Variants in ELOB observed in about 807,000 individuals in gnomAD.
ELOB encodes the protein elongin-B.
In ELOB, 3 loss-of-function variants were observed where a neutral mutation model predicts 12.9. That is an observed-to-expected ratio of 0.23 (90% CI 0.11 to 0.60). The LOEUF is 0.60. Ranked by LOEUF, ELOB falls within the 20% of genes least tolerant of loss-of-function variation. The pLI is 0.89. For missense variants in ELOB, 126 were observed against 159.2 expected, an observed-to-expected ratio of 0.79 and a Z score of 1.12; for synonymous variants, 84 against 67.4, an observed-to-expected ratio of 1.25 and a Z score of -1.21.
chr16:2,771,439 G>T lies in ELOB; in HGVS notation c.*551C>A. The T allele has an allele frequency of 6.2e-7, 1 of 1,614,050 alleles. No individual in the cohort carries two copies. The highest frequency in any genetic ancestry group is 8.5e-7 in the Non-Finnish European group (1 of 1,179,940). On this transcript the variant is annotated 3_prime_UTR_variant, in exon 4 of 4. Transcript: ENST00000409906. ...TGGGTCTGTAGACTGTTTATTAAAG[G>T]TGTGTTAAGGGGGCAGCCACTTCCC...
chr16:2,771,511 T>G lies in ELOB; in HGVS notation c.*479A>C, dbSNP rs1172688988. The stretch of plus-strand genomic sequence containing the variant: ...GTGGGTGGACCTGTGTGGGTCCGTC[T>G]TGGGGTTCCCTCGTTGAACATGCTG... On this transcript the variant is annotated 3_prime_UTR_variant, in exon 4 of 4. Transcript: ENST00000409906. The G allele has an allele frequency of 1.2e-6, 2 of 1,614,258 alleles. No individual in the cohort carries two copies. Among genetic ancestry groups the G allele is most frequent in the Non-Finnish European group, 1.7e-6 (2 of 1,180,054 alleles).
Position 2,777,040 on chromosome 16 carries a change from C to G in ELOB, c.91G>C (p.Val31Leu), listed in dbSNP as rs1198813139. ...SSTVFELKRIVEGILKRPPDE... is the reference protein window; with the variant it reads ...SSTVFELKRILEGILKRPPDE... ...GGAGGCCGCTTGAGGATGCCCTCGA[C>G]GATGCGCTTCAGTTCGAACACCGTG... The change falls in exon 2 of 4, where the codon GTC becomes CTC. Residue 31 changes from valine to leucine, a missense_variant. Coordinates refer to ENST00000409906, the MANE Select transcript of ELOB (RefSeq NM_007108.4). 1 of 1,606,638 alleles carries G rather than the reference C, an allele frequency of 6.2e-7. No homozygotes were observed. The highest frequency in any genetic ancestry group is 8.5e-7 in the Non-Finnish European group (1 of 1,177,854).
At chr16:2,774,232 A>AAAC (rs529103886) in intron 3 of ELOB, among the ~76,000 whole-genome samples, 3 of 152,176 alleles carry the variant, frequency 2.0e-5, no homozygotes, top group Admixed American at 1.3e-4. Context: ...TCTGTCTCAG[A>AAAC]AACAACAACA....
rs777106732 is a variant in ELOB, at chr16:2,772,088, C to T, written c.259G>A (p.Ala87Thr). The stretch of plus-strand genomic sequence containing the variant: ...CTGGAAAACGGCTCGATGCACAGGG[C>T]CTCAAAGGTGTCATCTGTGGAGGAA... ...LAFRADDTFE[A>T]LCIEPFSSPP... is the part of the protein sequence containing the mutation. Residue 87 changes from alanine to threonine, a missense_variant, in exon 4 of 4, where the codon GCC (alanine) becomes ACC (threonine). Coordinates refer to ENST00000409906, the MANE Select transcript of ELOB (RefSeq NM_007108.4). 23 of 1,609,562 alleles carry T rather than the reference C, an allele frequency of 1.4e-5. No individual in the cohort carries two copies. The highest frequency in any genetic ancestry group is 1.9e-5 in the Non-Finnish European group (22 of 1,177,564).
In ELOB at chr16:2,771,469, T is replaced by G. The variant is rs2068745966; in HGVS notation, c.*521A>C. Reference sequence around the variant, plus strand: ...TTAAGGGGGCAGCCACTTCCCTCCGTGATTACAGCCCCCAGCGTGGGTGGA... The same window carrying G: ...TTAAGGGGGCAGCCACTTCCCTCCGGGATTACAGCCCCCAGCGTGGGTGGA... On this transcript the variant is annotated 3_prime_UTR_variant, in exon 4 of 4. Coordinates refer to ENST00000409906, the MANE Select transcript of ELOB (RefSeq NM_007108.4). The G allele has an allele frequency of 1.2e-6, 2 of 1,614,096 alleles. No individual in the cohort carries two copies. Among genetic ancestry groups the G allele is most frequent in the Admixed American group, 3.3e-5 (2 of 59,998 alleles).
Position 2,775,454 on chromosome 16 carries a change from C to T in ELOB, c.241G>A (p.Ala81Thr). ...CAGTGGGTGGTGGGCCTCTCACCTG[C>T]CCGGAAGGCCAGCCCCACTGTGGCT... ...APATVGLAFR[A>T]DDTFEALCIE... The change falls in exon 3 of 4, where the codon GCA becomes ACA. Residue 81 changes from alanine to threonine, a missense_variant. By Grantham distance (58) the Ala-to-Thr change is moderately conservative (BLOSUM62 0). Transcript: ENST00000409906. 6.3e-7 allele frequency: 1 copy of T among 1,599,048 alleles called. No individual in the cohort carries two copies. Among genetic ancestry groups the T allele is most frequent in the Admixed American group, 1.7e-5 (1 of 59,464 alleles).
rs2068804507 is a variant in ELOB at position 2,776,918 on chromosome 16, T to C, written c.138+75A>G. 2.0e-6 allele frequency: 3 copies of C among 1,481,150 alleles called. No individual in the cohort carries two copies. The South Asian group carries it at 3.7e-5, about 18-fold the overall frequency. 91.8% of individuals were successfully genotyped at this position (1,481,150 alleles called of 1,614,324 possible). On this transcript the variant is annotated intron_variant, in intron 2 of 3. Coordinates refer to ENST00000409906, the MANE Select transcript of ELOB (RefSeq NM_007108.4). ...GCGTCGCCGGCCGCTACTGTTTACA[T>C]CGCGGACAGCGTAGGCGTCAGCCCC...
chr16:2,772,256 C>G, intron 3 of ELOB, 154 bp from the exon 4 acceptor site: 1 of 879,454 alleles, frequency 1.1e-6, no homozygotes, highest in Non-Finnish European at 1.6e-6. Context: ...CCTCCCTGTT[C>G]CAGCTACCCC....
rs1316208682 is a variant in ELOB, at chr16:2,771,877, A to G, written c.*113T>C. On this transcript the variant is annotated 3_prime_UTR_variant, in exon 4 of 4. Transcript: ENST00000409906. ...CAGGAACTGCCAAGCACAAGCCCCA[A>G]AAGGAGCCCACAGGGAGTGGGACCC... 5 of 1,473,784 alleles carry G rather than the reference A, an allele frequency of 3.4e-6. No homozygotes were observed. In the African/African-American group the frequency reaches 4.3e-5, roughly 13 times the overall value. 91.3% of individuals were successfully genotyped at this position (1,473,784 alleles called of 1,614,324 possible).
intron 3 of ELOB, among the ~76,000 whole-genome samples, chr16:2,774,900 C>T (rs2068790086): frequency 6.6e-6 from 1 of 152,168 alleles, no homozygotes; most frequent in South Asian, 2.1e-4. Flanking sequence ...GACCTAACCT[C>T]CCCAGGCTCA....
rs562416717 is a variant in ELOB, at chr16:2,777,257, C to G, written c.-18G>C. On this transcript the variant is annotated 5_prime_UTR_variant, in exon 1 of 4. Transcript: ENST00000409906. ...CTCACCATCGCGGCTGCTGCCTCTC[C>G]CCTCGACGCGCCGGCGCAGCCGCGC... 4,824 of 1,023,922 alleles carry G rather than the reference C, an allele frequency of 4.7e-3. 16 individuals carry two copies. The highest frequency in any genetic ancestry group is 5.3e-3 in the Non-Finnish European group (4,542 of 855,038). 63.4% of individuals were successfully genotyped at this position (1,023,922 alleles called of 1,614,324 possible).
intron 3 of ELOB, among the ~76,000 whole-genome samples, chr16:2,773,869 A>T (rs1340834215): frequency 6.6e-6 from 1 of 152,210 alleles, no homozygotes; most frequent in Admixed American, 6.5e-5. Flanking sequence ...TTCTGGGGGA[A>T]CACAGCCCAG....
rs528662927 is a variant in ELOB, at chr16:2,776,479, G to A, written c.138+514C>T. Among the ~76,000 whole-genome samples, 55 of 152,320 alleles carry A rather than the reference G, an allele frequency of 3.6e-4. 1 individual carries two copies. In the South Asian group the frequency reaches 9.5e-3, roughly 26 times the overall value. On this transcript the variant is annotated intron_variant, in intron 2 of 3. Coordinates refer to ENST00000409906, the MANE Select transcript of ELOB (RefSeq NM_007108.4). Reference sequence around the variant, plus strand: ...TGCAAGGGGAAAGGGGGGCTTCTAGGACATCAGCAGGAGGTCGGGAGGTAA... The same window carrying A: ...TGCAAGGGGAAAGGGGGGCTTCTAGAACATCAGCAGGAGGTCGGGAGGTAA...
chr16:2,777,125 G>A lies in ELOB; in HGVS notation c.6C>T (p.Asp2=), dbSNP rs2068806186. The A allele has an allele frequency of 6.5e-7, 1 of 1,542,274 alleles. No homozygotes were observed. Among genetic ancestry groups the A allele is most frequent in the Non-Finnish European group, 8.7e-7 (1 of 1,143,610 alleles). Residue 2 remains aspartate, a splice_region_variant and synonymous_variant, in exon 2 of 4, where the codon GAC becomes GAT. Coordinates refer to ENST00000409906, the MANE Select transcript of ELOB (RefSeq NM_007108.4). M[D]VFLMIRRHKT... is the part of the protein sequence containing the mutation. Reference sequence around the variant, plus strand: ...TGTGGCGCCGGATCATGAGGAACACGTCCTGGGGGCGGCGGGCCGGCGTGA... The same window carrying A: ...TGTGGCGCCGGATCATGAGGAACACATCCTGGGGGCGGCGGGCCGGCGTGA...
Position 2,771,933 on chromosome 16 carries a change from C to CA in ELOB, c.*56dup. 1.3e-6 allele frequency: 2 copies of CA among 1,566,902 alleles called. No homozygotes were observed. Among genetic ancestry groups the CA allele is most frequent in the Non-Finnish European group, 1.7e-6 (2 of 1,156,688 alleles). ...AGGGAGGGGCGGGAAAAAGAGGCAG[C>CA]AACCAGGCAGACTCCCAAATCTCTT... On this transcript the variant is annotated 3_prime_UTR_variant, in exon 4 of 4. Coordinates refer to ENST00000409906, the MANE Select transcript of ELOB (RefSeq NM_007108.4).
At chr16:2,772,807 C>G (rs1024432666) in intron 3 of ELOB, among the ~76,000 whole-genome samples, 44 of 152,104 alleles carry the variant, frequency 2.9e-4, no homozygotes, top group African/African-American at 9.9e-4. Flanking sequence ...TCCTTGCCGT[C>G]TGTCTCTCCC....
rs1596303727 is a variant in ELOB at position 2,777,103 on chromosome 16, G to A, written c.28C>T (p.His10Tyr). 1 of 1,592,010 alleles carries A rather than the reference G, an allele frequency of 6.3e-7. No homozygotes were observed. The highest frequency in any genetic ancestry group is 8.5e-7 in the Non-Finnish European group (1 of 1,171,230). ...GCGTCCGTGAAGATGGTGGTCTTGT[G>A]GCGCCGGATCATGAGGAACACGTCC... MDVFLMIRR[H>Y]KTTIFTDAKE... is the part of the protein sequence containing the mutation. The change falls in exon 2 of 4, where the codon CAC becomes TAC. Residue 10 changes from histidine to tyrosine, a missense_variant. Transcript: ENST00000409906.
At chr16:2,775,664 C>T (rs760871069) in intron 2 of ELOB, 108 bp from the exon 3 acceptor site, 8 of 751,622 alleles carry the variant, frequency 1.1e-5, no homozygotes, top group Non-Finnish European at 1.7e-5. Flanking sequence ...AGAGTTCCCT[C>T]AGTGTGGCCC....
intron 3 of ELOB, among the ~76,000 whole-genome samples, chr16:2,773,432 C>T (rs1660492446): frequency 6.6e-6 from 1 of 152,164 alleles, no homozygotes; most frequent in African/African-American, 2.4e-5. Flanking sequence ...CACTACCTCC[C>T]TCATTCTTTT....
Sources: gnomAD v4.1 joint callset for allele counts (sites outside exome capture counted in the v4.1 genomes callset) on GRCh38, gnomAD v4.1.1 for gene constraint, MANE v1.5 for transcripts, NCBI Gene and HGNC (gene_info 2026-07-23, HGNC 2026-07-21) for gene names.